SLC12A9: variants seen among roughly 807,000 people sequenced by gnomAD.
SLC12A9 encodes the protein CCC-interacting protein 1.
In SLC12A9, 55 loss-of-function variants were observed where a neutral mutation model predicts 66.0. That is an observed-to-expected ratio of 0.83 (90% CI 0.67 to 1.04). SLC12A9 has a LOEUF of 1.04. Among genes scored for constraint, SLC12A9 ranks in the 50% least tolerant of loss-of-function variants. The pLI, the probability that SLC12A9 is intolerant of heterozygous loss-of-function variation, is 0.00. For synonymous variants in SLC12A9, 577 were observed against 569.0 expected (o/e 1.01, Z -0.20); for missense variants, 1,061 against 1,241.9 (o/e 0.85, Z 2.19).
At chr7:100,835,996 G>A (rs887316372) in intron 1 of SLC12A9, among the ~76,000 whole-genome samples, 3 of 152,196 alleles carry the variant, frequency 2.0e-5, no homozygotes, top group African/African-American at 7.2e-5. Flanking sequence ...GGGAGGGTTG[G>A]GGAGAGGTAG....
chr7:100,857,363 G>A (rs1177200053), intron 5 of SLC12A9, 187 bp downstream of exon 5: 1 of 666,650 alleles, frequency 1.5e-6, no homozygotes, highest in Non-Finnish European at 2.5e-6. Flanking sequence ...GCAGGAGGAA[G>A]CCCACAAAAC....
rs1234485503 is a variant in SLC12A9, at chr7:100,830,149, C to T, written n.228+3102C>T. 4.6e-5 allele frequency among the ~76,000 whole-genome samples: 7 copies of T among 152,108 alleles called. No individual in the cohort carries two copies. In the South Asian group the frequency reaches 6.2e-4, roughly 14 times the overall value. Reference sequence around the variant, plus strand: ...GGCGGATCACCTGAGGTCAGGAGTTCGAGACCAGCCTGGCCAACATAGTGA... The same window carrying T: ...GGCGGATCACCTGAGGTCAGGAGTTTGAGACCAGCCTGGCCAACATAGTGA... On this transcript the variant is annotated intron_variant and non_coding_transcript_variant, in intron 1 of 1. Transcript: ENST00000461016.
At position 100,859,951 on chromosome 7, in the gene SLC12A9, C is replaced by T. The variant is rs545423607; in HGVS notation, c.1044C>T (p.Ile348=). The T allele has an allele frequency of 6.3e-5, 102 of 1,612,554 alleles. No homozygotes were observed. The highest frequency in any genetic ancestry group is 2.0e-4 in the African/African-American group (15 of 75,004). Residue 348 remains isoleucine, a synonymous_variant, in exon 8 of 14, where the codon ATC becomes ATT. Transcript: ENST00000354161. ...GCCTGTGGCCCCCACTGGTGTTGATCGGAATCTATGCCACAGCGCTCTCAG... is the reference window on the plus strand; with the variant it reads ...GCCTGTGGCCCCCACTGGTGTTGATTGGAATCTATGCCACAGCGCTCTCAG... The part of the protein sequence containing the change: ...AISLWPPLVL[I]GIYATALSAS...
At chr7:100,832,846 G>T (rs1381942719) in intron 1 of SLC12A9, among the ~76,000 whole-genome samples, 17 of 151,924 alleles carry the variant, frequency 1.1e-4, no homozygotes, top group Admixed American at 1.1e-3. Context: ...CACGATCGAG[G>T]CTCACTGCAG....
Position 100,855,831 on chromosome 7 carries a change from G to A in SLC12A9, c.442G>A (p.Gly148Arg), listed in dbSNP as rs145045633. Residue 148 changes from glycine (G) to arginine (R), a missense_variant, in exon 4 of 14, where the codon GGG (glycine) becomes AGG (arginine). Physicochemically the swap from Gly to Arg is moderately radical, Grantham distance 125. Transcript: ENST00000354161. The part of the protein sequence containing the change: ...GLVESVLDVF[G>R]ADATGPSGLR... Reference sequence around the variant, plus strand: ...GGTGGAGTCTGTGCTTGATGTCTTCGGGGCCGGTCTGTGCTCTGTCCGATC... The same window carrying A: ...GGTGGAGTCTGTGCTTGATGTCTTCAGGGCCGGTCTGTGCTCTGTCCGATC... 9.3e-6 allele frequency: 15 copies of A among 1,606,824 alleles called. No individual in the cohort carries two copies. Among genetic ancestry groups the A allele is most frequent in the African/African-American group, 4.0e-5 (3 of 74,804 alleles).
intron 1 of SLC12A9, among the ~76,000 whole-genome samples, chr7:100,828,287 C>T (rs1231400257): frequency 1.3e-5 from 2 of 151,842 alleles, no homozygotes; most frequent in African/African-American, 4.8e-5. Flanking sequence ...GCCTGTAGTC[C>T]CAGCATTTTG....
chr7:100,859,767 T>C (rs1419512697), intron 7 of SLC12A9, 118 bp from the exon 8 acceptor site: 4 of 1,241,012 alleles, frequency 3.2e-6, no homozygotes, highest in Non-Finnish European at 2.2e-6. Flanking sequence ...GCCCAATGAA[T>C]ACCAGGCATA....
At chr7:100,827,190 G>A in intron 1 of SLC12A9, 1 of 600,016 alleles carries the variant, frequency 1.7e-6, no homozygotes, top group South Asian at 5.1e-5. Context: ...ACCGGGCGGC[G>A]GCGCCAAGTG....
intron 1 of SLC12A9, among the ~76,000 whole-genome samples, chr7:100,839,100 G>T (rs1405859074): frequency 6.6e-6 from 1 of 152,112 alleles, no homozygotes; most frequent in African/African-American, 2.4e-5. Context: ...GAGGCGGGTG[G>T]ATCACGAGGT....
intron 1 of SLC12A9, among the ~76,000 whole-genome samples, chr7:100,830,245 G>A (rs904744205): frequency 2.6e-5 from 4 of 151,340 alleles, no homozygotes; most frequent in Non-Finnish European, 4.4e-5. Context: ...CCAGCTACTC[G>A]GGAGGCTGAG....
At chr7:100,865,312 A>AT in intron 13 of SLC12A9, 1 of 1,535,626 alleles carries the variant, frequency 6.5e-7, no homozygotes, top group Non-Finnish European at 8.7e-7. Context: ...TACCCTGGGG[A>AT]TTCAGGTCAT....
chr7:100,830,813 G>A (rs1312485653), intron 1 of SLC12A9, among the ~76,000 whole-genome samples: 4 of 151,896 alleles, frequency 2.6e-5, no homozygotes, highest in African/African-American at 9.7e-5. Context: ...CGTGGAGATG[G>A]CATCTGAGAT....
intron 1 of SLC12A9, among the ~76,000 whole-genome samples, chr7:100,841,720 A>C (rs1410406432): frequency 6.6e-6 from 1 of 152,216 alleles, no homozygotes; most frequent in Non-Finnish European, 1.5e-5. Context: ...ACACGAATAT[A>C]AAGATAAAAT....
intron 4 of SLC12A9, 110 bp from the exon 5 acceptor site, chr7:100,856,758 C>A: frequency 1.8e-6 from 2 of 1,095,508 alleles, no homozygotes; most frequent in South Asian, 3.1e-5. Context: ...GCAATCCTCC[C>A]ACCTCGGCCT....
rs1814239051 is a variant in SLC12A9, at chr7:100,854,138, A to G, written c.-42-18A>G. On this transcript the variant is annotated intron_variant, in intron 1 of 13. Transcript: ENST00000354161. ...GCTCTGTGGGGGAGCTTTTGATGCA[A>G]CATAATCTCCTTTGCAGGTCACCTA... 1 of 1,460,124 alleles carries G rather than the reference A, an allele frequency of 6.8e-7. No individual in the cohort carries two copies. Among genetic ancestry groups the G allele is most frequent in the Non-Finnish European group, 9.1e-7 (1 of 1,100,782 alleles). The allele number at this position is 1,460,124 out of a possible 1,614,324, so 90.4% of individuals were successfully genotyped here. A position where few individuals can be genotyped will look rare whatever the true frequency, so the allele number is the denominator to read the frequency against.
rs1801778414 is a variant in SLC12A9 at position 100,854,175 on chromosome 7, G to A, written c.-23G>A. ...TTGCAGGTCACCTAACCCATTTGTG[G>A]CTTCCTCTACCTGTGCTCAGCCATG... is the stretch of plus-strand genomic sequence containing the variant. On this transcript the variant is annotated 5_prime_UTR_variant, in exon 2 of 14. Coordinates refer to ENST00000354161, the MANE Select transcript of SLC12A9 (RefSeq NM_020246.4). 1 of 1,534,080 alleles carries A rather than the reference G, an allele frequency of 6.5e-7. No homozygotes were observed. The highest frequency in any genetic ancestry group is 1.4e-5 in the African/African-American group (1 of 71,166).
chr7:100,847,297 G>A (rs1813940141), intron 1 of SLC12A9, among the ~76,000 whole-genome samples: 1 of 152,358 alleles, frequency 6.6e-6, no homozygotes, highest in Admixed American at 6.5e-5. Context: ...ACCGCGCCCA[G>A]CCGGGAGATG....
At chr7:100,865,183 C>G in intron 13 of SLC12A9, 3 of 1,364,930 alleles carry the variant, frequency 2.2e-6, no homozygotes, top group Middle Eastern at 3.7e-4. Flanking sequence ...GTCTCAAACT[C>G]CTGATCTCAG....
intron 9 of SLC12A9, 145 bp downstream of exon 9, chr7:100,860,377 C>A (rs183611025): frequency 1.2e-6 from 1 of 812,252 alleles, no homozygotes; most frequent in Non-Finnish European, 1.9e-6. Flanking sequence ...GGTTCACTGG[C>A]ACTTTGTGGG....
Sources: allele counts gnomAD v4.1 joint callset (sites outside exome capture counted in the v4.1 genomes callset), GRCh38; gene constraint gnomAD v4.1.1; transcripts MANE v1.5; gene names NCBI Gene and HGNC (gene_info 2026-07-23, HGNC 2026-07-21).